The following CNTN5 variants were observed in gnomAD, a reference collection of about 807,000 sequenced individuals.
CNTN5 encodes the protein contactin-5.
A neutral mutation model predicts 129.1 loss-of-function variants in CNTN5; 77 were observed. The observed-to-expected ratio is 0.60, with a 90% confidence interval of 0.50 to 0.72. The LOEUF is 0.72. Ranked by LOEUF, CNTN5 falls within the 30% of genes least tolerant of loss-of-function variation. The pLI is 0.00. For synonymous variants in CNTN5, 509 were observed against 465.6 expected, an observed-to-expected ratio of 1.09 and a Z score of -1.20; for missense variants, 1,478 against 1,328.8, an observed-to-expected ratio of 1.11 and a Z score of -1.75.
intron 2 of CNTN5, among the ~76,000 whole-genome samples, chr11:99,478,874 G>A (rs1380924179): frequency 6.6e-6 from 1 of 152,046 alleles, no homozygotes; most frequent in Admixed American, 6.6e-5. Context: ...CAGAGCAAAT[G>A]ATTTAATCTA....
chr11:100,240,768 A>G (rs1429535446), intron 16 of CNTN5, among the ~76,000 whole-genome samples: 1 of 152,190 alleles, frequency 6.6e-6, no homozygotes, highest in Non-Finnish European at 1.5e-5. Context: ...GAGTTTACCC[A>G]TATATTGTCA....
At chr11:100,252,429 T>G (rs141667861) in intron 16 of CNTN5, among the ~76,000 whole-genome samples, 1 of 152,172 alleles carries the variant, frequency 6.6e-6, no homozygotes, top group Non-Finnish European at 1.5e-5. Flanking sequence ...ATAATCCTAT[T>G]TGTTTATTTT....
intron 15 of CNTN5, among the ~76,000 whole-genome samples, chr11:100,220,831 GT>G (rs1231943057): frequency 6.6e-6 from 1 of 152,134 alleles, no homozygotes; most frequent in African/African-American, 2.4e-5. Context: ...CTCTTGAGGT[GT>G]TTTTTCCACT....
intron 1 of CNTN5, among the ~76,000 whole-genome samples, chr11:99,040,248 C>T (rs1267086425): frequency 1.3e-5 from 2 of 151,888 alleles, no homozygotes; most frequent in African/African-American, 4.8e-5. Flanking sequence ...ATGATTAGAA[C>T]CAAAAGCATT....
rs149291747 is a variant in CNTN5 at position 100,142,363 on chromosome 11, A to G, written c.1581-48763A>G. 4.7e-3 allele frequency among the ~76,000 whole-genome samples: 715 copies of G among 152,128 alleles called. 9 individuals are homozygous for G. The highest frequency in any genetic ancestry group is 0.015 in the African/African-American group (635 of 41,516). Reference sequence around the variant, plus strand: ...CTGTCTATCTGTTGATCTCTCTTCTATCTTTCTCTCCTGTTGGTTCTTTGT... The same window carrying G: ...CTGTCTATCTGTTGATCTCTCTTCTGTCTTTCTCTCCTGTTGGTTCTTTGT... On this transcript the variant is annotated intron_variant, in intron 13 of 24. Transcript: ENST00000524871.
intron 1 of CNTN5, among the ~76,000 whole-genome samples, chr11:99,166,358 G>A (rs1362806784): frequency 2.1e-5 from 3 of 142,864 alleles, no homozygotes; most frequent in Admixed American, 1.5e-4. Flanking sequence ...CCAAGATTGC[G>A]CCATTGCACC....
chr11:99,788,674 G>A (rs1480538429), intron 3 of CNTN5, among the ~76,000 whole-genome samples: 1 of 151,844 alleles, frequency 6.6e-6, no homozygotes, highest in African/African-American at 2.4e-5. Context: ...TGCTAAAGAT[G>A]CCTGTAAGGA....
At chr11:100,239,626 G>T (rs1010524111) in intron 16 of CNTN5, among the ~76,000 whole-genome samples, 1 of 152,092 alleles carries the variant, frequency 6.6e-6, no homozygotes, top group Non-Finnish European at 1.5e-5. Context: ...GACACTAAAA[G>T]ATTTGAAAAT....
chr11:99,267,920 G>GCGCGCACACACA (rs905178705), intron 1 of CNTN5, among the ~76,000 whole-genome samples: 3 of 140,432 alleles, frequency 2.1e-5, no homozygotes, highest in East Asian at 2.1e-4. Context: ...ACACACACAC[G>GCGCGCACACACA]CACACACACA....
At chr11:99,207,140 CTT>C in intron 1 of CNTN5, among the ~76,000 whole-genome samples, 1 of 152,058 alleles carries the variant, frequency 6.6e-6, no homozygotes, top group East Asian at 1.9e-4. Context: ...AATATAATGA[CTT>C]GTCAAAATCT....
intron 1 of CNTN5, among the ~76,000 whole-genome samples, chr11:99,299,675 A>C (rs1431988734): frequency 6.6e-6 from 1 of 152,148 alleles, no homozygotes; most frequent in Non-Finnish European, 1.5e-5. Flanking sequence ...GAGTTATTTC[A>C]CTAGGAGTGA....
At chr11:99,469,907 A>C (rs1285487515) in intron 2 of CNTN5, among the ~76,000 whole-genome samples, 1 of 152,180 alleles carries the variant, frequency 6.6e-6, no homozygotes, top group African/African-American at 2.4e-5. Context: ...TATGAATAAT[A>C]ATCATCATCA....
At chr11:99,804,015 T>C (rs1946193165) in intron 3 of CNTN5, among the ~76,000 whole-genome samples, 1 of 152,192 alleles carries the variant, frequency 6.6e-6, no homozygotes, top group African/African-American at 2.4e-5. Flanking sequence ...GTGGGGTCTT[T>C]AAAGTCTTTT....
chr11:99,047,264 C>G (rs1432502236), intron 1 of CNTN5, among the ~76,000 whole-genome samples: 1 of 151,422 alleles, frequency 6.6e-6, no homozygotes, highest in Non-Finnish European at 1.5e-5. Context: ...ATCTTCATAG[C>G]CTTTTATATT....
intron 1 of CNTN5, among the ~76,000 whole-genome samples, chr11:99,195,870 C>G (rs1437774965): frequency 6.6e-6 from 1 of 151,776 alleles, no homozygotes; most frequent in Non-Finnish European, 1.5e-5. Flanking sequence ...TTATATTTTA[C>G]TTTAACTTAA....
intron 13 of CNTN5, among the ~76,000 whole-genome samples, chr11:100,159,241 A>T (rs534092135): frequency 6.6e-6 from 1 of 151,964 alleles, no homozygotes; most frequent in Non-Finnish European, 1.5e-5. Context: ...GGTTGTGATC[A>T]TGGTGGGCCA....
rs561120544 is a variant in CNTN5 at position 99,171,802 on chromosome 11, TA to T, written c.-210+150534del. Among the ~76,000 whole-genome samples the T allele has an allele frequency of 2.4e-3, 362 of 152,346 alleles. 3 individuals carry two copies. Among genetic ancestry groups the T allele is most frequent in the African/African-American group, 8.4e-3 (349 of 41,580 alleles). Reference sequence around the variant, plus strand: ...CTTTCTGTTATTATCATTAAAGTATTAATAATCAATAATTACAATATATTGG... The same window carrying T: ...CTTTCTGTTATTATCATTAAAGTATTATAATCAATAATTACAATATATTGG... On this transcript the variant is annotated intron_variant, in intron 1 of 24. Transcript: ENST00000524871.
chr11:99,315,138 T>C (rs895444323), intron 1 of CNTN5, among the ~76,000 whole-genome samples: 1 of 149,432 alleles, frequency 6.7e-6, no homozygotes. Flanking sequence ...CTAGTAGTCA[T>C]GGAAGAATAA....
intron 3 of CNTN5, among the ~76,000 whole-genome samples, chr11:99,772,222 G>A (rs1198046587): frequency 4.6e-5 from 7 of 151,790 alleles, no homozygotes; most frequent in Non-Finnish European, 1.0e-4. Flanking sequence ...AAAGATAGGT[G>A]ATTTAAGATT....
Sources: allele counts gnomAD v4.1 joint callset (sites outside exome capture counted in the v4.1 genomes callset), GRCh38; gene constraint gnomAD v4.1.1; transcripts MANE v1.5; gene names NCBI Gene and HGNC (gene_info 2026-07-23, HGNC 2026-07-21).